The following ZNF528 variants were observed in gnomAD, a reference collection of about 807,000 sequenced individuals.
ZNF528 encodes the protein zinc finger protein 528.
A neutral mutation model predicts 13.3 loss-of-function variants in ZNF528; 9 were observed. The ratio of observed to expected loss-of-function variants is 0.67; its 90% confidence interval spans 0.41 to 1.18. The LOEUF is 1.18. Ranked by LOEUF, ZNF528 falls within the 50% of genes most tolerant of loss-of-function variation. ZNF528 has a pLI of 0.01. For missense variants in ZNF528, 858 were observed against 745.4 expected (o/e 1.15, Z -1.76); for synonymous variants, 264 against 254.3 (o/e 1.04, Z -0.36).
chr19:52,408,235 G>A (rs866940210), intron 6 of ZNF528: 2 of 148,378 alleles, frequency 1.3e-5, no homozygotes, highest in East Asian at 4.0e-4. Flanking sequence ...GGCTGATCTC[G>A]GCTCACTACA....
At chr19:52,409,024 T>C (rs1265505031) in intron 6 of ZNF528, among the ~76,000 whole-genome samples, 2 of 152,220 alleles carry the variant, frequency 1.3e-5, no homozygotes, top group Admixed American at 6.5e-5. Flanking sequence ...TCGCCTTTAT[T>C]TTTGCAGGTG....
chr19:52,410,668 A>G (rs934726908), intron 6 of ZNF528, among the ~76,000 whole-genome samples: 1 of 152,182 alleles, frequency 6.6e-6, no homozygotes, highest in Non-Finnish European at 1.5e-5. Context: ...TGGCCTACCT[A>G]AAAGTTCTGT....
At chr19:52,410,001 C>T (rs10406562) in intron 6 of ZNF528, among the ~76,000 whole-genome samples, 1,957 of 152,310 alleles carry the variant, frequency 0.013, 37 homozygotes, top group African/African-American at 0.041. Context: ...AGGCATGAGC[C>T]ACCATGCCCA....
At chr19:52,407,959 C>T (rs2058879487) in intron 6 of ZNF528, among the ~76,000 whole-genome samples, 1 of 151,724 alleles carries the variant, frequency 6.6e-6, no homozygotes, top group Admixed American at 6.6e-5. Flanking sequence ...GTGATTAGCC[C>T]TTCCTTAGCC....
At chr19:52,410,751 T>C (rs1012338548) in intron 6 of ZNF528, among the ~76,000 whole-genome samples, 7 of 152,216 alleles carry the variant, frequency 4.6e-5, no homozygotes, top group African/African-American at 1.7e-4. Context: ...ATGTCTCTGC[T>C]GAAGCATTTG....
rs1290225340 is a variant in ZNF528 at position 52,415,916 on chromosome 19, G to A, written c.1064G>A (p.Cys355Tyr). 25 of 1,614,030 alleles carry A rather than the reference G, an allele frequency of 1.5e-5. No individual in the cohort carries two copies. The highest frequency in any genetic ancestry group is 2.1e-5 in the Non-Finnish European group (25 of 1,180,012). The change falls in exon 7 of 7, where the codon TGT (cysteine) becomes TAT (tyrosine). Residue 355 changes from cysteine (C) to tyrosine (Y), a missense_variant. Transcript: ENST00000360465. ...CATACTGGTGAGAAACCTTACAAAT[G>A]TGAAGAATGTGGCAAAGCATTTTCA... ...TVHTGEKPYK[C>Y]EECGKAFSVR...
chr19:52,400,374 T>C (rs1157350812), intron 2 of ZNF528, among the ~76,000 whole-genome samples: 1 of 152,146 alleles, frequency 6.6e-6, no homozygotes, highest in Non-Finnish European at 1.5e-5. Flanking sequence ...GAGCACAATA[T>C]ACCAAAATCT....
At chr19:52,413,426 C>T (rs2058957053) in intron 6 of ZNF528, 1 of 152,150 alleles carries the variant, frequency 6.6e-6, no homozygotes, top group Admixed American at 6.6e-5. Flanking sequence ...TCTAGCAATC[C>T]TAAAGTGAAT....
chr19:52,415,705 G>A lies in ZNF528; in HGVS notation c.853G>A (p.Ala285Thr). The A allele has an allele frequency of 6.2e-7, 1 of 1,613,792 alleles. No individual in the cohort carries two copies. The highest frequency in any genetic ancestry group is 1.1e-5 in the South Asian group (1 of 91,036). Residue 285 changes from alanine to threonine, a missense_variant, in exon 7 of 7, where the codon GCA (alanine) becomes ACA (threonine). Ala to Thr is a moderately conservative substitution (Grantham distance 58). Coordinates refer to ENST00000360465, the MANE Select transcript of ZNF528 (RefSeq NM_032423.3). ...DKVFRSSSKL[A>T]QHQRIHTGEK... is the part of the protein sequence containing the mutation. The stretch of plus-strand genomic sequence containing the variant: ...GGTCTTTCGAAGCAGTTCAAAGCTT[G>A]CACAACATCAAAGAATTCATACTGG...
In ZNF528 at chr19:52,415,386, A is replaced by G; in HGVS notation, c.534A>G (p.Lys178=). The G allele has an allele frequency of 6.2e-7, 1 of 1,614,110 alleles. No individual in the cohort carries two copies. Among genetic ancestry groups the G allele is most frequent in the Non-Finnish European group, 8.5e-7 (1 of 1,180,028 alleles). ...CTCCATTACTTCCACAAGAACAGAA[A>G]GCACACATTAGGGAAAAAGCTTATA... ...DHAPLLPQEQ[K]AHIREKAYKC... The change falls in exon 7 of 7, where the codon AAA becomes AAG. Residue 178 remains lysine, a synonymous_variant. Transcript: ENST00000360465.
At chr19:52,403,812 G>A (rs1411477514) in intron 4 of ZNF528, among the ~76,000 whole-genome samples, 1 of 151,986 alleles carries the variant, frequency 6.6e-6, no homozygotes, top group Non-Finnish European at 1.5e-5. Context: ...TTTATGAATG[G>A]CATGTCATCT....
In ZNF528 at chr19:52,415,416, T is replaced by G; in HGVS notation, c.564T>G (p.Cys188Trp). The G allele has an allele frequency of 1.2e-6, 2 of 1,614,222 alleles. No homozygotes were observed. Among genetic ancestry groups the G allele is most frequent in the Non-Finnish European group, 1.7e-6 (2 of 1,180,048 alleles). Residue 188 changes from cysteine to tryptophan, a missense_variant, in exon 7 of 7, where the codon TGT (cysteine) becomes TGG (tryptophan). Cys to Trp is a radical substitution (Grantham distance 215). Transcript: ENST00000360465. Reference sequence around the variant, plus strand: ...ACATTAGGGAAAAAGCTTATAAATGTAATGAGCACGGCCAAGTCTTTAGAG... The same window carrying G: ...ACATTAGGGAAAAAGCTTATAAATGGAATGAGCACGGCCAAGTCTTTAGAG... ...KAHIREKAYKCNEHGQVFRAS... is the reference protein window; with the variant it reads ...KAHIREKAYKWNEHGQVFRAS...
At position 52,401,980 on chromosome 19, in the gene ZNF528, A is replaced by G; in HGVS notation, c.-34A>G. On this transcript the variant is annotated 5_prime_UTR_variant, in exon 4 of 7. Coordinates refer to ENST00000360465, the MANE Select transcript of ZNF528 (RefSeq NM_032423.3). ...TCCAAAGAGACATATTATGCAAGGA[A>G]GCAACTTGGAAGAGGAAAGAAAAGA... The G allele has an allele frequency of 6.2e-7, 1 of 1,614,134 alleles. No individual in the cohort carries two copies. The highest frequency in any genetic ancestry group is 8.5e-7 in the Non-Finnish European group (1 of 1,180,004).
intron 6 of ZNF528, chr19:52,414,536 C>T: frequency 1.8e-6 from 1 of 544,980 alleles, no homozygotes; most frequent in Non-Finnish European, 3.3e-6. Flanking sequence ...ATTCTTTGAA[C>T]AATAGACTGT....
At position 52,406,781 on chromosome 19, in the gene ZNF528, C is replaced by A. The variant is rs540862453; in HGVS notation, c.271+138C>A. ...TGAATTCCTGGACTTAAGGGATCTC[C>A]CTGGCTCGCTCTTCCAAAGTGTTGG... On this transcript the variant is annotated intron_variant, in intron 6 of 6. Coordinates refer to ENST00000360465, the MANE Select transcript of ZNF528 (RefSeq NM_032423.3). The A allele has an allele frequency of 5.1e-6, 6 of 1,170,566 alleles. No homozygotes were observed. In the Admixed American group the frequency reaches 1.8e-4, roughly 36 times the overall value. 72.5% of individuals were successfully genotyped at this position (1,170,566 alleles called of 1,614,324 possible). A position where few individuals can be genotyped will look rare whatever the true frequency, so the allele number is the denominator to read the frequency against.
intron 4 of ZNF528, among the ~76,000 whole-genome samples, chr19:52,403,776 G>A (rs1473447066): frequency 6.6e-6 from 1 of 151,780 alleles, no homozygotes; most frequent in South Asian, 2.1e-4. Context: ...CATGTGATGT[G>A]TGTGGATGAG....
chr19:52,398,427 C>T lies in ZNF528; in HGVS notation c.-329C>T, dbSNP rs1455903749. The T allele has an allele frequency of 3.7e-6, 1 of 273,928 alleles. No homozygotes were observed. The highest frequency in any genetic ancestry group is 5.6e-6 in the Non-Finnish European group (1 of 179,368). The allele number at this position is 273,928 out of a possible 1,614,324, so 17.0% of individuals were successfully genotyped here. On this transcript the variant is annotated 5_prime_UTR_variant, in exon 2 of 7. Transcript: ENST00000360465. ...GAGTGTGGGGGGTGACTTCAGTCTC[C>T]TGACATCCAGTGTTCTCTCGAGCCA...
chr19:52,408,618 G>A (rs763307169), intron 6 of ZNF528: 3 of 151,902 alleles, frequency 2.0e-5, no homozygotes, highest in Non-Finnish European at 4.4e-5. Flanking sequence ...CTGTTGCCCA[G>A]GCTGGAGTGC....
intron 2 of ZNF528, among the ~76,000 whole-genome samples, chr19:52,401,185 C>T (rs1249825772): frequency 6.6e-6 from 1 of 151,976 alleles, no homozygotes; most frequent in Non-Finnish European, 1.5e-5. Flanking sequence ...GTCATGTTCT[C>T]GACATCTCTG....
Sources: allele counts gnomAD v4.1 joint callset (sites outside exome capture counted in the v4.1 genomes callset), GRCh38; gene constraint gnomAD v4.1.1; transcripts MANE v1.5; gene names NCBI Gene and HGNC (gene_info 2026-07-23, HGNC 2026-07-21).